GADL1: variants seen among roughly 807,000 people sequenced by gnomAD.
The protein encoded by GADL1 is GAD like acidic amino acid decarboxylase 1.
In GADL1, 71 loss-of-function variants were observed where a neutral mutation model predicts 69.5. That is an observed-to-expected ratio of 1.02 (90% CI 0.84 to 1.25). The LOEUF is 1.25. Among genes scored for constraint, GADL1 ranks in the 50% most tolerant of loss-of-function variants. GADL1 has a pLI of 0.00. For synonymous variants in GADL1, 254 were observed against 214.4 expected (o/e 1.18, Z -1.62); for missense variants, 737 against 631.8 (o/e 1.17, Z -1.79).
At chr3:30,754,280 A>G (rs1695909807) in intron 14 of GADL1, among the ~76,000 whole-genome samples, 2 of 152,212 alleles carry the variant, frequency 1.3e-5, no homozygotes, top group Non-Finnish European at 2.9e-5. Flanking sequence ...AAGGAGAACC[A>G]CATGCAAGCC....
intron 14 of GADL1, among the ~76,000 whole-genome samples, chr3:30,762,578 T>TG (rs1456703962): frequency 2.0e-5 from 3 of 152,164 alleles, no homozygotes; most frequent in Non-Finnish European, 4.4e-5. Context: ...TCATGAAAAA[T>TG]GAGGTATACA....
At chr3:30,855,641 G>T (rs536606864) in intron 3 of GADL1, among the ~76,000 whole-genome samples, 2 of 152,062 alleles carry the variant, frequency 1.3e-5, no homozygotes, top group African/African-American at 2.4e-5. Context: ...GTCTCATAAA[G>T]GTTCTTGGCT....
chr3:30,855,691 T>C (rs1698219507), intron 3 of GADL1, among the ~76,000 whole-genome samples: 1 of 152,018 alleles, frequency 6.6e-6, no homozygotes, highest in Non-Finnish European at 1.5e-5. Flanking sequence ...CCCGGCTAAC[T>C]GGCTTGGCAT....
At chr3:30,862,501 G>A (rs900091848) in intron 1 of GADL1, among the ~76,000 whole-genome samples, 1 of 151,982 alleles carries the variant, frequency 6.6e-6, no homozygotes, top group Admixed American at 6.6e-5. Flanking sequence ...TCATTTCCTT[G>A]TACAAAGTCC....
At chr3:30,762,632 C>T (rs186121357) in intron 14 of GADL1, among the ~76,000 whole-genome samples, 6 of 152,258 alleles carry the variant, frequency 3.9e-5, no homozygotes, top group African/African-American at 1.4e-4. Context: ...GTCCCAACCA[C>T]ACTTTTTAAG....
intron 12 of GADL1, chr3:30,798,164 C>T (rs1697085332): frequency 1.3e-5 from 2 of 152,276 alleles, no homozygotes; most frequent in African/African-American, 4.8e-5. Flanking sequence ...ATGTCACATC[C>T]AGACTTTTGT....
At chr3:30,771,705 G>A (rs1408454653) in intron 14 of GADL1, among the ~76,000 whole-genome samples, 2 of 152,156 alleles carry the variant, frequency 1.3e-5, no homozygotes, top group Non-Finnish European at 2.9e-5. Flanking sequence ...AAAGACACAG[G>A]TGCTTTTAGT....
At chr3:30,870,668 C>A (rs914104882) in intron 1 of GADL1, among the ~76,000 whole-genome samples, 15 of 151,522 alleles carry the variant, frequency 9.9e-5, no homozygotes, top group African/African-American at 3.7e-4. Flanking sequence ...CTGTAGAAGT[C>A]CAGGCAGTAG....
chr3:30,834,418 C>T, intron 9 of GADL1, 137 bp from the exon 10 acceptor site: 1 of 707,338 alleles, frequency 1.4e-6, no homozygotes, highest in Non-Finnish European at 2.4e-6. Flanking sequence ...TAATTTGTAC[C>T]CCAGGAAATT....
chr3:30,753,498 A>G (rs574723919), intron 14 of GADL1, among the ~76,000 whole-genome samples: 3 of 125,276 alleles, frequency 2.4e-5, no homozygotes, highest in African/African-American at 1.0e-4. Context: ...AAATTTAAGG[A>G]AGGATAGTTT....
At chr3:30,752,300 T>A (rs557129164) in intron 14 of GADL1, among the ~76,000 whole-genome samples, 28 of 149,480 alleles carry the variant, frequency 1.9e-4, no homozygotes, top group Non-Finnish European at 3.6e-4. Flanking sequence ...TTAACTTTCA[T>A]TTCAGGCGTT....
At chr3:30,793,145 T>C (rs575717220) in intron 12 of GADL1, among the ~76,000 whole-genome samples, 6 of 152,314 alleles carry the variant, frequency 3.9e-5, no homozygotes, top group African/African-American at 1.4e-4. Context: ...TTTTGAGGGA[T>C]GATCTATTAA....
intron 14 of GADL1, among the ~76,000 whole-genome samples, chr3:30,765,163 A>G (rs551330416): frequency 5.3e-5 from 8 of 152,294 alleles, no homozygotes; most frequent in African/African-American, 1.7e-4. Flanking sequence ...GAGCCATCAA[A>G]ATGTTCATCT....
At chr3:30,862,108 C>T (rs1698329814) in intron 1 of GADL1, among the ~76,000 whole-genome samples, 1 of 151,876 alleles carries the variant, frequency 6.6e-6, no homozygotes, top group African/African-American at 2.4e-5. Context: ...AATTCCCATG[C>T]TAGATGGTGT....
chr3:30,765,341 A>G (rs959863817), intron 14 of GADL1, among the ~76,000 whole-genome samples: 3 of 152,194 alleles, frequency 2.0e-5, no homozygotes, highest in Non-Finnish European at 4.4e-5. Context: ...GAGTAGTCAT[A>G]TTCTGTAAAA....
intron 11 of GADL1, among the ~76,000 whole-genome samples, chr3:30,821,718 A>T (rs941074122): frequency 6.6e-6 from 1 of 151,522 alleles, no homozygotes; most frequent in African/African-American, 2.4e-5. Flanking sequence ...CTGGAAGAAT[A>T]AATAGATGAT....
At chr3:30,753,608 T>C (rs1173838729) in intron 14 of GADL1, among the ~76,000 whole-genome samples, 3 of 42,368 alleles carry the variant, frequency 7.1e-5, no homozygotes, top group Non-Finnish European at 1.2e-4. Flanking sequence ...TAAAGATAAC[T>C]TGTTTTCTTA....
chr3:30,770,192 A>G (rs1235168582), intron 14 of GADL1, among the ~76,000 whole-genome samples: 1 of 152,154 alleles, frequency 6.6e-6, no homozygotes, highest in Non-Finnish European at 1.5e-5. Flanking sequence ...CATTTATGCT[A>G]CTTGTCTAGC....
At chr3:30,765,807 G>T (rs547298155) in intron 14 of GADL1, among the ~76,000 whole-genome samples, 87 of 152,276 alleles carry the variant, frequency 5.7e-4, no homozygotes, top group African/African-American at 2.0e-3. Flanking sequence ...GAATTGTAAT[G>T]CATCATCCCT....
Sources: gnomAD v4.1 joint callset for allele counts (sites outside exome capture counted in the v4.1 genomes callset) on GRCh38, gnomAD v4.1.1 for gene constraint, MANE v1.5 for transcripts, NCBI Gene and HGNC (gene_info 2026-07-23, HGNC 2026-07-21) for gene names.